The following MAEL variants were observed in gnomAD, a reference collection of about 807,000 sequenced individuals.
MAEL encodes protein maelstrom homolog.
Under a neutral mutation model 62.0 loss-of-function variants are expected in MAEL, and 46 were observed. That is an observed-to-expected ratio of 0.74 (90% CI 0.59 to 0.95). MAEL has a LOEUF of 0.95. Among genes scored for constraint, MAEL ranks in the 40% least tolerant of loss-of-function variants. The pLI, the probability that MAEL is intolerant of heterozygous loss-of-function variation, is 0.00. For missense variants in MAEL, 497 were observed against 526.8 expected, an observed-to-expected ratio of 0.94 and a Z score of 0.55; for synonymous variants, 172 against 175.5, an observed-to-expected ratio of 0.98 and a Z score of 0.16.
At chr1:167,020,915 A>G (rs1471162024) in intron 10 of MAEL, among the ~76,000 whole-genome samples, 170 bp from the exon 11 acceptor site, 2 of 152,134 alleles carry the variant, frequency 1.3e-5, no homozygotes, top group Non-Finnish European at 2.9e-5. Flanking sequence ...ATCTCCCTCC[A>G]AAGTCTATCC....
At chr1:166,989,977 C>T (rs1392272711) in intron 2 of MAEL, 148 bp downstream of exon 2, 6 of 643,970 alleles carry the variant, frequency 9.3e-6, no homozygotes, top group Non-Finnish European at 1.6e-5. Context: ...CCCCTGGTGT[C>T]AGAATGCCTG....
Position 166,993,954 on chromosome 1 carries a change from A to G in MAEL, c.482-74A>G, listed in dbSNP as rs1047121060. 6.3e-6 allele frequency: 7 copies of G among 1,116,370 alleles called. No homozygotes were observed. The African/African-American group carries it at 6.3e-5, about 10-fold the overall frequency. 69.2% of individuals were successfully genotyped at this position (1,116,370 alleles called of 1,614,324 possible). ...TACCTTTCTGTGTGATAACTTGGTCATCTTGTAGAGTATTACTGTAGCACT... is the reference window on the plus strand; with the variant it reads ...TACCTTTCTGTGTGATAACTTGGTCGTCTTGTAGAGTATTACTGTAGCACT... On this transcript the variant is annotated intron_variant, in intron 4 of 11. Coordinates refer to ENST00000367872, the MANE Select transcript of MAEL (RefSeq NM_032858.3).
chr1:166,989,127 G>T (rs1026658357), upstream of MAEL: 7 of 587,270 alleles, frequency 1.2e-5, no homozygotes, highest in Non-Finnish European at 2.0e-5. Flanking sequence ...TGGCACCTGC[G>T]ACGGCGCTCT....
In MAEL at chr1:166,992,914, A is replaced by G. The variant is rs1664256083; in HGVS notation, c.481+73A>G. ...TTTTTAAATCTTGACTTTATTTGAT[A>G]ATAGTACTTTTTCTTACAAGCTCAT... On this transcript the variant is annotated intron_variant, in intron 4 of 11. Transcript: ENST00000367872. 7.2e-6 allele frequency: 9 copies of G among 1,246,000 alleles called. No individual in the cohort carries two copies. In the South Asian group the frequency reaches 1.6e-4, roughly 22 times the overall value. The allele number at this position is 1,246,000 out of a possible 1,614,324, so 77.2% of individuals were successfully genotyped here.
upstream of MAEL, chr1:166,988,993 A>G (rs1051691049): frequency 8.4e-5 from 19 of 226,032 alleles, no homozygotes; most frequent in South Asian, 2.2e-4. Flanking sequence ...ACGCGGAAAC[A>G]CCCGCAGCTC....
upstream of MAEL, chr1:166,989,107 T>C: frequency 1.9e-6 from 1 of 520,052 alleles, no homozygotes. Flanking sequence ...ACCCAGCCAA[T>C]CAGAGCACTT....
At chr1:167,016,366 C>T in intron 9 of MAEL, 82 bp downstream of exon 9, 1 of 1,305,360 alleles carries the variant, frequency 7.7e-7, no homozygotes, top group South Asian at 1.2e-5. Context: ...ATAGCTTTGG[C>T]AATCGGGGTA....
intron 1 of MAEL, among the ~76,000 whole-genome samples, chr1:166,978,694 TCTC>T (rs1332728022): frequency 3.3e-5 from 5 of 152,174 alleles, no homozygotes; most frequent in African/African-American, 1.2e-4. Context: ...ATCTTTTTGT[TCTC>T]CTGAGAAGCT....
intron 8 of MAEL, among the ~76,000 whole-genome samples, chr1:167,011,460 T>C (rs1665170239): frequency 6.6e-6 from 1 of 152,170 alleles, no homozygotes; most frequent in South Asian, 2.1e-4. Context: ...AATTTCACAT[T>C]GAGTCATTCA....
chr1:167,007,385 C>G (rs1664959492), intron 8 of MAEL, among the ~76,000 whole-genome samples: 1 of 152,072 alleles, frequency 6.6e-6, no homozygotes, highest in African/African-American at 2.4e-5. Context: ...CCAGGCCTAT[C>G]TTGTACTTTC....
rs112754985 is a variant in MAEL, at chr1:167,016,159, C to T, written c.846-63C>T. On this transcript the variant is annotated intron_variant, in intron 8 of 11. Coordinates refer to ENST00000367872, the MANE Select transcript of MAEL (RefSeq NM_032858.3). ...TAAAAGATTTCAGATAGAAATCTGGCATATAAAAACCTTTAAGCAGTGCTA... is the reference window on the plus strand; with the variant it reads ...TAAAAGATTTCAGATAGAAATCTGGTATATAAAAACCTTTAAGCAGTGCTA... 2.0e-5 allele frequency: 27 copies of T among 1,341,660 alleles called. 1 individual carries two copies. Among genetic ancestry groups the T allele is most frequent in the Middle Eastern group, 3.8e-4 (2 of 5,308 alleles). The allele number at this position is 1,341,660 out of a possible 1,614,324, so 83.1% of individuals were successfully genotyped here.
chr1:167,014,878 C>G (rs1184109302), intron 8 of MAEL, among the ~76,000 whole-genome samples: 2 of 152,124 alleles, frequency 1.3e-5, no homozygotes, highest in Non-Finnish European at 2.9e-5. Flanking sequence ...CAAAAATTAG[C>G]CAGGCATGAT....
At chr1:166,977,862 G>T (rs1279341271) in intron 1 of MAEL, among the ~76,000 whole-genome samples, 1 of 152,108 alleles carries the variant, frequency 6.6e-6, no homozygotes, top group Non-Finnish European at 1.5e-5. Context: ...AAGATGGGAG[G>T]ACCACTTGAA....
upstream of MAEL, among the ~76,000 whole-genome samples, chr1:166,987,797 CAG>C (rs1431911572): frequency 3.3e-5 from 5 of 152,116 alleles, no homozygotes; most frequent in African/African-American, 4.8e-5. Context: ...TGTAAAAGAT[CAG>C]AGAGTTTTAC....
intron 7 of MAEL, 54 bp from the exon 8 acceptor site, chr1:167,005,202 T>G: frequency 6.2e-7 from 1 of 1,610,008 alleles, no homozygotes. Context: ...CTTTGATATC[T>G]TCCAGGTATC....
chr1:166,982,521 A>G (rs1447703711), intron 1 of MAEL, among the ~76,000 whole-genome samples: 3 of 152,172 alleles, frequency 2.0e-5, no homozygotes, highest in African/African-American at 7.2e-5. Flanking sequence ...ACAGGAGGGA[A>G]GATGCACGCT....
chr1:166,996,556 T>TA (rs1182740294), intron 5 of MAEL, among the ~76,000 whole-genome samples: 1 of 152,172 alleles, frequency 6.6e-6, no homozygotes, highest in Non-Finnish European at 1.5e-5. Flanking sequence ...CGAACATTAA[T>TA]AAAAAAGCAC....
chr1:166,978,490 T>G (rs190113009), intron 1 of MAEL, among the ~76,000 whole-genome samples: 1 of 152,186 alleles, frequency 6.6e-6, no homozygotes, highest in Non-Finnish European at 1.5e-5. Context: ...TGATGGGATA[T>G]GGCACCCAGA....
rs1298910442 is a variant in MAEL at position 166,989,302 on chromosome 1, G to A, written c.-51G>A. The A allele has an allele frequency of 1.9e-6, 3 of 1,573,768 alleles. No individual in the cohort carries two copies. Among genetic ancestry groups the A allele is most frequent in the Non-Finnish European group, 2.6e-6 (3 of 1,158,378 alleles). On this transcript the variant is annotated 5_prime_UTR_variant, in exon 1 of 12. Transcript: ENST00000367872. Reference sequence around the variant, plus strand: ...GTTACTTAGGGCGGGAGCCCGGCGAGGGCGCCGGTGCTTTGTTCTGTCTGA... The same window carrying A: ...GTTACTTAGGGCGGGAGCCCGGCGAAGGCGCCGGTGCTTTGTTCTGTCTGA...
Sources: gnomAD v4.1 joint callset for allele counts (sites outside exome capture counted in the v4.1 genomes callset) on GRCh38, gnomAD v4.1.1 for gene constraint, MANE v1.5 for transcripts, NCBI Gene and HGNC (gene_info 2026-07-23, HGNC 2026-07-21) for gene names.